The following ZNF282 variants were observed in gnomAD, a reference collection of about 807,000 sequenced individuals.
ZNF282 encodes HTLV-I U5 repressive element-binding protein 1.
ZNF282 carries 30 observed loss-of-function variants against 61.9 expected under a neutral mutation model. That is an observed-to-expected ratio of 0.48 (90% CI 0.36 to 0.66). The LOEUF (loss-of-function observed/expected upper bound fraction) is 0.66. Among genes scored for constraint, ZNF282 ranks in the 30% least tolerant of loss-of-function variants. The pLI, the probability that ZNF282 is intolerant of heterozygous loss-of-function variation, is 0.00. For missense variants in ZNF282, 788 were observed against 941.4 expected, an observed-to-expected ratio of 0.84 and a Z score of 2.13; for synonymous variants, 396 against 405.0, an observed-to-expected ratio of 0.98 and a Z score of 0.27.
intron 2 of ZNF282, among the ~76,000 whole-genome samples, chr7:149,204,022 T>C (rs1393290742): frequency 6.6e-6 from 1 of 152,040 alleles, no homozygotes; most frequent in African/African-American, 2.4e-5. Context: ...TGGCTCAGAG[T>C]CCCATGAGGT....
chr7:149,219,485 C>T (rs1402437744), intron 7 of ZNF282, among the ~76,000 whole-genome samples: 1 of 152,162 alleles, frequency 6.6e-6, no homozygotes, highest in African/African-American at 2.4e-5. Context: ...TGAGTGGTTG[C>T]ATATGCAGGA....
At chr7:149,212,615 C>T in intron 6 of ZNF282, 144 bp downstream of exon 6, 2 of 667,530 alleles carry the variant, frequency 3.0e-6, no homozygotes, top group Non-Finnish European at 5.0e-6. Context: ...GAGTCTTGCT[C>T]TGTTGTTCAG....
At chr7:149,217,602 T>C (rs1169388290) in intron 7 of ZNF282, among the ~76,000 whole-genome samples, 1 of 148,232 alleles carries the variant, frequency 6.7e-6, no homozygotes, top group East Asian at 2.1e-4. Context: ...CCTTTTCTTT[T>C]GTGGGAAGAG....
intron 5 of ZNF282, 178 bp from the exon 6 acceptor site, chr7:149,212,180 A>T (rs1377407574): frequency 2.0e-6 from 1 of 507,354 alleles, no homozygotes; most frequent in East Asian, 3.4e-5. Context: ...TTTGCAGCAA[A>T]AGCTCCGTTA....
intron 7 of ZNF282, among the ~76,000 whole-genome samples, chr7:149,220,758 C>A (rs577059482): frequency 6.6e-6 from 1 of 152,130 alleles, no homozygotes; most frequent in East Asian, 1.9e-4. Context: ...CACTTACCAG[C>A]CAGTGACTGG....
At chr7:149,216,150 G>C (rs1193277691) in intron 7 of ZNF282, among the ~76,000 whole-genome samples, 1 of 152,204 alleles carries the variant, frequency 6.6e-6, no homozygotes, top group Non-Finnish European at 1.5e-5. Flanking sequence ...TCAGGCTGGA[G>C]TGCAGTGGTG....
At chr7:149,195,778 T>C in intron 1 of ZNF282, 24 bp downstream of exon 1, 11 of 1,471,278 alleles carry the variant, frequency 7.5e-6, no homozygotes, top group Non-Finnish European at 9.9e-6. Context: ...GCCGGCGCCA[T>C]GGCCGCGCTG....
intron 7 of ZNF282, among the ~76,000 whole-genome samples, chr7:149,220,084 A>G (rs1306650633): frequency 6.6e-6 from 1 of 152,108 alleles, no homozygotes; most frequent in African/African-American, 2.4e-5. Flanking sequence ...GATGCTCCCA[A>G]CTACTTTAGA....
Position 149,207,279 on chromosome 7 carries a change from G to C in ZNF282, c.713-72G>C, listed in dbSNP as rs893941458. ...AGAGGGGGAGATGGGGTAGGGGAGA[G>C]TTCTCCCTTCCCCTTGCTGGATGCG... On this transcript the variant is annotated intron_variant, in intron 3 of 7. Coordinates refer to ENST00000610704, the MANE Select transcript of ZNF282 (RefSeq NM_003575.4). 1.2e-5 allele frequency: 18 copies of C among 1,526,432 alleles called. No homozygotes were observed. In the African/African-American group the frequency reaches 2.3e-4, roughly 20 times the overall value. The allele number at this position is 1,526,432 out of a possible 1,614,324, so 94.6% of individuals were successfully genotyped here.
chr7:149,202,486 A>T (rs1232933365), intron 2 of ZNF282, among the ~76,000 whole-genome samples: 1 of 148,428 alleles, frequency 6.7e-6, no homozygotes, highest in South Asian at 2.2e-4. Context: ...TAATTTTTCT[A>T]TTTTTTTTTA....
At chr7:149,195,790 C>T in intron 1 of ZNF282, 36 bp downstream of exon 1, 1 of 1,447,458 alleles carries the variant, frequency 6.9e-7, no homozygotes, top group Non-Finnish European at 9.0e-7. Flanking sequence ...GCCGCGCTGC[C>T]GTGGGGGCGG....
intron 6 of ZNF282, among the ~76,000 whole-genome samples, chr7:149,213,068 C>T (rs1230969211): frequency 2.6e-5 from 4 of 152,088 alleles, no homozygotes; most frequent in Non-Finnish European, 5.9e-5. Flanking sequence ...AATGGAAGCC[C>T]CACCTGCCCA....
intron 7 of ZNF282, 110 bp downstream of exon 7, chr7:149,213,924 C>T: frequency 2.9e-6 from 2 of 692,488 alleles, no homozygotes; most frequent in East Asian, 2.7e-5. Context: ...GGGTGATGTT[C>T]TGTTGATGGC....
intron 2 of ZNF282, among the ~76,000 whole-genome samples, chr7:149,201,412 G>A (rs1032325072): frequency 9.2e-5 from 14 of 152,162 alleles, no homozygotes; most frequent in Non-Finnish European, 1.6e-4. Context: ...ACAGCAGCCA[G>A]AGTGATCCTT....
rs1796316281 is a variant in ZNF282 at position 149,224,118 on chromosome 7, G to C, written c.1487G>C (p.Cys496Ser). ...GCGGGGACGGGGGCAGGCGGCGGCT[G>C]TGGCAGCTGCTGCCCTGGCGGGCTG... is the stretch of plus-strand genomic sequence containing the variant. ...AEAGTGAGGG[C>S]GSCCPGGLRR... Residue 496 changes from cysteine (C) to serine (S), a missense_variant, in exon 8 of 8, where the codon TGT (cysteine) becomes TCT (serine). Cys to Ser is a moderately radical substitution (Grantham distance 112). Transcript: ENST00000610704. 2 of 1,444,638 alleles carry C rather than the reference G, an allele frequency of 1.4e-6. No individual in the cohort carries two copies. Among genetic ancestry groups the C allele is most frequent in the African/African-American group, 2.9e-5 (2 of 69,466 alleles). 89.5% of individuals were successfully genotyped at this position (1,444,638 alleles called of 1,614,324 possible).
chr7:149,199,634 T>C (rs1795878113), intron 2 of ZNF282, among the ~76,000 whole-genome samples: 1 of 152,176 alleles, frequency 6.6e-6, no homozygotes, highest in African/African-American at 2.4e-5. Flanking sequence ...TCCAATTCTT[T>C]CTTCCCCATT....
At chr7:149,206,333 C>T (rs1182007061) in intron 2 of ZNF282, among the ~76,000 whole-genome samples, 2 of 152,178 alleles carry the variant, frequency 1.3e-5, no homozygotes, top group South Asian at 2.1e-4. Flanking sequence ...CCAGGTTTTA[C>T]TCTACCTGGC....
chr7:149,207,148 TC>T (rs1796004061), intron 3 of ZNF282, among the ~76,000 whole-genome samples: 1 of 152,212 alleles, frequency 6.6e-6, no homozygotes, highest in Non-Finnish European at 1.5e-5. Flanking sequence ...ATGTTGGCTT[TC>T]AGAGACCAGC....
At chr7:149,209,240 T>G (rs1471126270) in intron 4 of ZNF282, among the ~76,000 whole-genome samples, 26 of 137,140 alleles carry the variant, frequency 1.9e-4, no homozygotes, top group Middle Eastern at 9.3e-3. Flanking sequence ...GAGGATGGCG[T>G]GAACCCGGGA....
Sources: gnomAD v4.1 joint callset for allele counts (sites outside exome capture counted in the v4.1 genomes callset) on GRCh38, gnomAD v4.1.1 for gene constraint, MANE v1.5 for transcripts, NCBI Gene and HGNC (gene_info 2026-07-23, HGNC 2026-07-21) for gene names.